Variants in KANK1 observed in about 807,000 individuals in gnomAD.
KANK1 encodes the protein KN motif and ankyrin repeat domain-containing protein 1.
Under a neutral mutation model 106.2 loss-of-function variants are expected in KANK1, and 109 were observed. The observed-to-expected ratio is 1.03, with a 90% CI of 0.88 to 1.20. The LOEUF is 1.20. Among genes scored for constraint, KANK1 ranks in the 50% most tolerant of loss-of-function variants. KANK1 has a pLI of 0.00. For synonymous variants in KANK1, 873 were observed against 652.2 expected (o/e 1.34, Z -5.16); for missense variants, 2,399 against 1,710.7 (o/e 1.40, Z -7.10).
intron 1 of KANK1, among the ~76,000 whole-genome samples, chr9:628,624 A>G (rs1003515310): frequency 6.6e-6 from 1 of 152,124 alleles, no homozygotes; most frequent in African/African-American, 2.4e-5. Context: ...AATGAGAGTA[A>G]CTACTGACTT....
intron 1 of KANK1, among the ~76,000 whole-genome samples, chr9:529,244 CACACACACACATATACACACACACACAG>C (rs1213815477): frequency 2.0e-5 from 3 of 151,228 alleles, no homozygotes; most frequent in Non-Finnish European, 4.4e-5. Flanking sequence ...TACACACACA[CACACACACACATATACACACACACACAG>C]ACACACACAC....
At chr9:735,244 A>G (rs1466321963) in intron 7 of KANK1, among the ~76,000 whole-genome samples, 3 of 152,208 alleles carry the variant, frequency 2.0e-5, no homozygotes, top group African/African-American at 7.2e-5. Context: ...TATCTGAGCC[A>G]AGGTCAGCAT....
rs1419454021 is a variant in KANK1 at position 514,092 on chromosome 9, TTCTCTTACTCCCTCCC to T, written c.-84+9345_-84+9360del. On this transcript the variant is annotated intron_variant, in intron 1 of 11. Coordinates refer to ENST00000382297, the MANE Select transcript of KANK1 (RefSeq NM_015158.5). ...CTGTCCTCCTCCTCTCCTTCCCTCCTTCTCTTACTCCCTCCCTCTCTTCCTCCCTCTCTCTCTCCCT... is the reference window on the plus strand; with the variant it reads ...CTGTCCTCCTCCTCTCCTTCCCTCCTTCTCTTCCTCCCTCTCTCTCTCCCT... 6.0e-4 allele frequency among the ~76,000 whole-genome samples: 88 copies of T among 146,148 alleles called. 2 individuals are homozygous for T. The East Asian group carries it at 0.016, about 26-fold the overall frequency.
rs185132715 is a variant in KANK1 at position 710,192 on chromosome 9, C to T, written c.38-612C>T. ...TTGTAACAAGCCTGCACATGTACTC[C>T]CTGAATCTAACATACAGTTTTAAAA... is the stretch of plus-strand genomic sequence containing the variant. On this transcript the variant is annotated intron_variant, in intron 2 of 11. Transcript: ENST00000382297. Among the ~76,000 whole-genome samples the T allele has an allele frequency of 9.2e-5, 14 of 152,196 alleles. No homozygotes were observed. The East Asian group carries it at 2.1e-3, about 23-fold the overall frequency.
intron 1 of KANK1, among the ~76,000 whole-genome samples, chr9:528,056 C>A (rs970693961): frequency 1.3e-5 from 2 of 151,600 alleles, no homozygotes; most frequent in Non-Finnish European, 2.9e-5. Flanking sequence ...TGGCATGAAC[C>A]CGGGAGGTGG....
chr9:721,558 G>A (rs1829348677), intron 3 of KANK1, among the ~76,000 whole-genome samples: 1 of 152,208 alleles, frequency 6.6e-6, no homozygotes, highest in East Asian at 1.9e-4. Context: ...TAGAAAACCA[G>A]AGAGAGAAAA....
rs1564102615 is a variant in KANK1 at position 731,190 on chromosome 9, A to T, written c.2929A>T (p.Ile977Phe). The T allele has an allele frequency of 6.2e-7, 1 of 1,611,988 alleles. No individual in the cohort carries two copies. The highest frequency in any genetic ancestry group is 8.5e-7 in the Non-Finnish European group (1 of 1,178,248). Residue 977 changes from isoleucine to phenylalanine, a missense_variant, in exon 5 of 12, where the codon ATC (isoleucine) becomes TTC (phenylalanine). By Grantham distance (21) the Ile-to-Phe change is conservative. Transcript: ENST00000382297. ...CTNNESTLKS[I>F]MKKKDGNKDS... ...AAACAATGAAAGTACACTGAAGTCC[A>T]TCATGAAGAAGAAAGATGGTAACAA...
At chr9:723,963 C>T (rs528866333) in intron 3 of KANK1, among the ~76,000 whole-genome samples, 33 of 146,778 alleles carry the variant, frequency 2.2e-4, no homozygotes, top group African/African-American at 8.0e-4. Flanking sequence ...AGAAGCCAGG[C>T]GTGGTTTTGT....
intron 1 of KANK1, among the ~76,000 whole-genome samples, chr9:633,622 C>T (rs1052465240): frequency 6.6e-6 from 1 of 152,160 alleles, no homozygotes; most frequent in Non-Finnish European, 1.5e-5. Context: ...TTCATTCTGA[C>T]TCATCTTTCC....
At chr9:643,887 G>A (rs1839071910) in intron 1 of KANK1, among the ~76,000 whole-genome samples, 1 of 150,504 alleles carries the variant, frequency 6.6e-6, no homozygotes, top group Non-Finnish European at 1.5e-5. Flanking sequence ...ATTTTTGGTA[G>A]AGACGGGGTT....
intron 3 of KANK1, among the ~76,000 whole-genome samples, chr9:483,088 C>T (rs753026702): frequency 2.0e-5 from 3 of 151,886 alleles, no homozygotes; most frequent in African/African-American, 7.3e-5. Context: ...GTAATGAGGT[C>T]AGAATATTGT....
At chr9:609,880 G>A (rs757008371) in intron 1 of KANK1, among the ~76,000 whole-genome samples, 7 of 151,820 alleles carry the variant, frequency 4.6e-5, no homozygotes, top group South Asian at 2.1e-4. Context: ...TTCAAATTAC[G>A]TAGAATTGTA....
chr9:637,279 G>T (rs528905018), intron 1 of KANK1, among the ~76,000 whole-genome samples: 3 of 152,238 alleles, frequency 2.0e-5, no homozygotes, highest in South Asian at 4.1e-4. Flanking sequence ...TTTTGTTCCA[G>T]CATTTGTTGA....
intron 1 of KANK1, among the ~76,000 whole-genome samples, chr9:594,366 G>A (rs1164804604): frequency 6.6e-6 from 1 of 151,886 alleles, no homozygotes; most frequent in Non-Finnish European, 1.5e-5. Flanking sequence ...TTTACATTGA[G>A]AATAACTCGT....
chr9:607,110 A>C (rs1829396824), intron 1 of KANK1, among the ~76,000 whole-genome samples: 1 of 151,734 alleles, frequency 6.6e-6, no homozygotes, highest in South Asian at 2.1e-4. Flanking sequence ...ACTCTCTTTC[A>C]CCTTCCTCAA....
At chr9:538,624 T>C (rs1007287154) in intron 1 of KANK1, among the ~76,000 whole-genome samples, 7 of 152,216 alleles carry the variant, frequency 4.6e-5, no homozygotes, top group African/African-American at 1.7e-4. Context: ...AGCGTGGTGC[T>C]ATCTAGCAAA....
intron 3 of KANK1, among the ~76,000 whole-genome samples, chr9:479,214 G>T (rs1158775363): frequency 6.6e-6 from 1 of 152,040 alleles, no homozygotes; most frequent in African/African-American, 2.4e-5. Flanking sequence ...GTTCTTCCTG[G>T]TTACCAATGT....
At chr9:653,425 TTG>T (rs1386568675) in intron 1 of KANK1, among the ~76,000 whole-genome samples, 2 of 152,118 alleles carry the variant, frequency 1.3e-5, no homozygotes, top group Non-Finnish European at 2.9e-5. Flanking sequence ...AGAATTTTTT[TTG>T]TCATATAAGA....
At chr9:659,171 C>G (rs9407337) in intron 1 of KANK1, among the ~76,000 whole-genome samples, 30,633 of 152,110 alleles carry the variant, frequency 0.2, 3,239 homozygotes, top group East Asian at 0.32. Flanking sequence ...AGTTCTCAGT[C>G]AATATTTTTG....
Sources: allele counts gnomAD v4.1 joint callset (sites outside exome capture counted in the v4.1 genomes callset), GRCh38; gene constraint gnomAD v4.1.1; transcripts MANE v1.5; gene names NCBI Gene and HGNC (gene_info 2026-07-23, HGNC 2026-07-21).